Variants in DLGAP1 observed in about 807,000 individuals in gnomAD.
DLGAP1 encodes DLG associated protein 1.
A neutral mutation model predicts 90.8 loss-of-function variants in DLGAP1; 11 were observed. The observed-to-expected ratio is 0.12, with a 90% confidence interval of 0.08 to 0.20. DLGAP1 has a LOEUF of 0.20. Ranked by LOEUF, DLGAP1 falls within the 10% of genes least tolerant of loss-of-function variation. DLGAP1 has a pLI of 1.00. For synonymous variants in DLGAP1, 558 were observed against 540.7 expected (o/e 1.03, Z -0.44); for missense variants, 1,050 against 1,333.8 (o/e 0.79, Z 3.31).
At chr18:4,385,460 A>T (rs973546997) in intron 1 of DLGAP1, among the ~76,000 whole-genome samples, 1 of 151,224 alleles carries the variant, frequency 6.6e-6, no homozygotes, top group African/African-American at 2.5e-5. Flanking sequence ...CATCATCACA[A>T]TACTTTCATT....
chr18:4,343,171 G>C, intron 1 of DLGAP1, among the ~76,000 whole-genome samples: 1 of 152,016 alleles, frequency 6.6e-6, no homozygotes, highest in East Asian at 1.9e-4. Flanking sequence ...GCCGGGCGTG[G>C]TGGCAGGCGC....
intron 3 of DLGAP1, chr18:3,978,665 T>A (rs1199369075): frequency 1.9e-5 from 3 of 160,468 alleles, no homozygotes; most frequent in Non-Finnish European, 4.1e-5. Context: ...TAGCTGTCTG[T>A]CAAATGGGAG....
chr18:4,388,195 T>A (rs74365789), intron 1 of DLGAP1, among the ~76,000 whole-genome samples: 2,687 of 150,820 alleles, frequency 0.018, 51 homozygotes, highest in African/African-American at 0.05. Flanking sequence ...TGCTAAAGAG[T>A]GTTAAGAAAT....
chr18:4,209,066 G>A (rs1216335709), intron 1 of DLGAP1, among the ~76,000 whole-genome samples: 4 of 152,160 alleles, frequency 2.6e-5, no homozygotes, highest in African/African-American at 9.7e-5. Flanking sequence ...TCATTAAAAA[G>A]AAGGGAGGGA....
At chr18:3,866,301 G>A (rs1047549620) in intron 4 of DLGAP1, among the ~76,000 whole-genome samples, 2 of 152,124 alleles carry the variant, frequency 1.3e-5, no homozygotes. Context: ...TTTTTTGGGG[G>A]GAACTTATCA....
chr18:3,835,459 G>C (rs1279276023), intron 4 of DLGAP1, among the ~76,000 whole-genome samples: 1 of 151,882 alleles, frequency 6.6e-6, no homozygotes, highest in Non-Finnish European at 1.5e-5. Context: ...ACCATCCTGG[G>C]TAACACGGTG....
At chr18:4,218,240 T>C (rs969547065) in intron 1 of DLGAP1, among the ~76,000 whole-genome samples, 22 of 152,098 alleles carry the variant, frequency 1.4e-4, no homozygotes, top group Middle Eastern at 6.8e-3. Flanking sequence ...GGCTCTCTAT[T>C]CTGCTGTATT....
chr18:3,691,529 A>G (rs2060897970), intron 7 of DLGAP1, among the ~76,000 whole-genome samples: 1 of 152,174 alleles, frequency 6.6e-6, no homozygotes, highest in Non-Finnish European at 1.5e-5. Context: ...GCCTGTATTT[A>G]CATTTGTTAT....
intron 7 of DLGAP1, among the ~76,000 whole-genome samples, chr18:3,689,113 C>T (rs532722389): frequency 4.6e-5 from 7 of 152,226 alleles, no homozygotes; most frequent in African/African-American, 1.4e-4. Flanking sequence ...ACTGAATGAA[C>T]GTTTACTAAG....
chr18:3,950,109 C>T (rs1182528710), intron 3 of DLGAP1, among the ~76,000 whole-genome samples: 3 of 152,120 alleles, frequency 2.0e-5, no homozygotes, highest in Non-Finnish European at 2.9e-5. Context: ...GGCTCTTTGC[C>T]TATTGGATTT....
chr18:4,333,782 G>A (rs909066313), intron 1 of DLGAP1, among the ~76,000 whole-genome samples: 1 of 150,956 alleles, frequency 6.6e-6, no homozygotes, highest in African/African-American at 2.5e-5. Context: ...ACCACGCCCG[G>A]CTATTTTCAG....
At chr18:4,160,742 A>C (rs2144502807) in intron 1 of DLGAP1, among the ~76,000 whole-genome samples, 1 of 152,290 alleles carries the variant, frequency 6.6e-6, no homozygotes, top group South Asian at 2.1e-4. Context: ...TCAAATGTGC[A>C]GATTTATTTT....
chr18:3,908,287 A>G (rs73940275), intron 3 of DLGAP1, among the ~76,000 whole-genome samples: 1,610 of 152,300 alleles, frequency 0.011, 28 homozygotes, highest in African/African-American at 0.036. Context: ...GGCATATTTA[A>G]GAGGTATAAA....
rs1366705072 is a variant in DLGAP1, at chr18:3,498,416, C to G, written c.*769G>C. ...TCCTTTGCCTTGCTTCATGTTATTG[C>G]CTTTCAGAATAGATTAATTTCCCTG... On this transcript the variant is annotated 3_prime_UTR_variant, in exon 13 of 13. Transcript: ENST00000315677. 2 of 152,166 alleles carry G rather than the reference C, an allele frequency of 1.3e-5. No individual in the cohort carries two copies. Among genetic ancestry groups the G allele is most frequent in the South Asian group, 2.1e-4 (1 of 4,824 alleles). 9.4% of individuals were successfully genotyped at this position (152,166 alleles called of 1,614,324 possible).
chr18:4,366,298 A>G (rs1462246593), intron 1 of DLGAP1, among the ~76,000 whole-genome samples: 2 of 152,126 alleles, frequency 1.3e-5, no homozygotes, highest in African/African-American at 4.8e-5. Context: ...GAAATTTTGA[A>G]CCATATTAAG....
At chr18:3,649,981 G>C (rs919864690) in intron 7 of DLGAP1, among the ~76,000 whole-genome samples, 1 of 152,054 alleles carries the variant, frequency 6.6e-6, no homozygotes, top group African/African-American at 2.4e-5. Context: ...ATTTCAGGAG[G>C]GTCCTCGTCT....
chr18:4,221,473 T>C (rs2078075187), intron 1 of DLGAP1, among the ~76,000 whole-genome samples: 1 of 152,132 alleles, frequency 6.6e-6, no homozygotes. Flanking sequence ...ATAAAATATA[T>C]ATGAAAGTTA....
At chr18:4,357,597 A>C (rs1218253122) in intron 1 of DLGAP1, among the ~76,000 whole-genome samples, 1 of 152,204 alleles carries the variant, frequency 6.6e-6, no homozygotes, top group Non-Finnish European at 1.5e-5. Flanking sequence ...GTAATTTTCT[A>C]TTTCCAAATA....
intron 9 of DLGAP1, among the ~76,000 whole-genome samples, chr18:3,555,656 C>A (rs1358572763): frequency 1.3e-5 from 2 of 151,934 alleles, no homozygotes; most frequent in East Asian, 3.9e-4. Flanking sequence ...ACTAAAAATA[C>A]AAAATTAGCC....
Sources: gnomAD v4.1 joint callset for allele counts (sites outside exome capture counted in the v4.1 genomes callset) on GRCh38, gnomAD v4.1.1 for gene constraint, MANE v1.5 for transcripts, NCBI Gene and HGNC (gene_info 2026-07-23, HGNC 2026-07-21) for gene names.